The following ANKRD12 variants were observed in gnomAD, a reference collection of about 807,000 sequenced individuals.
The protein encoded by ANKRD12 is ankyrin repeat domain 12.
A neutral mutation model predicts 183.4 loss-of-function variants in ANKRD12; 85 were observed. The ratio of observed to expected loss-of-function variants is 0.46; its 90% CI spans 0.39 to 0.56. The LOEUF (loss-of-function observed/expected upper bound fraction) is 0.56, where lower values mean the gene tolerates loss of function less well. ANKRD12 is among the 20% of genes least tolerant of loss of function. The pLI, the probability that ANKRD12 is intolerant of heterozygous loss-of-function variation, is 0.00. For missense variants in ANKRD12, 2,405 were observed against 2,357.1 expected, an observed-to-expected ratio of 1.02 and a Z score of -0.42; for synonymous variants, 914 against 800.2, an observed-to-expected ratio of 1.14 and a Z score of -2.40.
intron 8 of ANKRD12, chr18:9,249,745 CAT>C (rs2145109395): frequency 6.6e-6 from 1 of 152,342 alleles, no homozygotes; most frequent in Admixed American, 6.5e-5. Context: ...CTTGGACTAA[CAT>C]AGGTATAAAT....
chr18:9,168,045 G>T (rs140674866), intron 1 of ANKRD12, among the ~76,000 whole-genome samples: 1,606 of 152,308 alleles, frequency 0.011, 32 homozygotes, highest in African/African-American at 0.037. Flanking sequence ...TGTTGAACCA[G>T]CCTTGCATCC....
chr18:9,221,300 A>G (rs2036407460), intron 7 of ANKRD12, among the ~76,000 whole-genome samples: 1 of 152,182 alleles, frequency 6.6e-6, no homozygotes, highest in Non-Finnish European at 1.5e-5. Flanking sequence ...CATTAGATAC[A>G]GCATCCTTCT....
chr18:9,209,347 G>T (rs2035654880), intron 5 of ANKRD12, among the ~76,000 whole-genome samples: 1 of 152,112 alleles, frequency 6.6e-6, no homozygotes, highest in South Asian at 2.1e-4. Flanking sequence ...GAAAATTTTT[G>T]AGTTACATAG....
chr18:9,196,337 C>G (rs577744169), intron 3 of ANKRD12, among the ~76,000 whole-genome samples: 1 of 152,162 alleles, frequency 6.6e-6, no homozygotes, highest in South Asian at 2.1e-4. Context: ...GGATGAGATT[C>G]TTTTTATTGC....
At position 9,216,876 on chromosome 18, in the gene ANKRD12, T is replaced by C. The variant is rs779423682; in HGVS notation, c.771T>C (p.Asp257=). 7 of 1,613,320 alleles carry C rather than the reference T, an allele frequency of 4.3e-6. No homozygotes were observed. Among genetic ancestry groups the C allele is most frequent in the Non-Finnish European group, 5.1e-6 (6 of 1,179,662 alleles). ...QGLDDDTPLH[D]SASSGHRDIV... ...TAGATGATGACACTCCACTCCATGA[T>C]TCTGCTAGTAGTGGGCACAGAGATG... The change falls in exon 7 of 13, where the codon GAT becomes GAC. Residue 257 remains aspartate, a synonymous_variant. Transcript: ENST00000262126.
intron 1 of ANKRD12, among the ~76,000 whole-genome samples, chr18:9,156,137 C>CAAAAAAAA (rs34154495): frequency 2.9e-5 from 3 of 104,072 alleles, no homozygotes; most frequent in East Asian, 2.7e-4. Flanking sequence ...GACTCTGTCT[C>CAAAAAAAA]AAAAAAAAAA....
chr18:9,266,361 A>G (rs1398047545), intron 10 of ANKRD12, among the ~76,000 whole-genome samples: 1 of 152,204 alleles, frequency 6.6e-6, no homozygotes, highest in Non-Finnish European at 1.5e-5. Context: ...AAGGGCAGCC[A>G]GAGAGAAAGG....
At chr18:9,235,046 C>G (rs1439821392) in intron 8 of ANKRD12, among the ~76,000 whole-genome samples, 2 of 152,124 alleles carry the variant, frequency 1.3e-5, no homozygotes, top group African/African-American at 4.8e-5. Flanking sequence ...TCCTAGATAC[C>G]CTATTCAAGG....
chr18:9,207,938 A>G (rs1033015063), intron 4 of ANKRD12, among the ~76,000 whole-genome samples: 4 of 152,160 alleles, frequency 2.6e-5, no homozygotes, highest in African/African-American at 4.8e-5. Context: ...TTAATGGGGA[A>G]CGCAGGCTGC....
At chr18:9,167,998 C>T (rs147243099) in intron 1 of ANKRD12, among the ~76,000 whole-genome samples, 2 of 152,124 alleles carry the variant, frequency 1.3e-5, no homozygotes, top group Admixed American at 6.6e-5. Flanking sequence ...GTCTTTGGTT[C>T]TGTTTATATG....
chr18:9,266,170 G>C (rs961474613), intron 10 of ANKRD12, among the ~76,000 whole-genome samples: 1 of 152,194 alleles, frequency 6.6e-6, no homozygotes, highest in African/African-American at 2.4e-5. Context: ...GGGGAGAATG[G>C]AACCAAGTTG....
At chr18:9,193,677 C>T (rs545693287) in intron 2 of ANKRD12, among the ~76,000 whole-genome samples, 2 of 152,240 alleles carry the variant, frequency 1.3e-5, no homozygotes, top group African/African-American at 2.4e-5. Flanking sequence ...CCTCATCCCT[C>T]CTTTATTTTT....
chr18:9,246,576 G>A (rs1318390971), intron 8 of ANKRD12, among the ~76,000 whole-genome samples: 5 of 152,124 alleles, frequency 3.3e-5, no homozygotes, highest in East Asian at 1.9e-4. Context: ...ATAAGTGCCC[G>A]GAGCAAGCTT....
chr18:9,168,812 A>G lies in ANKRD12; in HGVS notation c.-51-13570A>G, dbSNP rs2032365634. 4.6e-5 allele frequency among the ~76,000 whole-genome samples: 7 copies of G among 152,084 alleles called. No individual in the cohort carries two copies. The South Asian group carries it at 1.5e-3, about 32-fold the overall frequency. On this transcript the variant is annotated intron_variant, in intron 1 of 12. Coordinates refer to ENST00000262126, the MANE Select transcript of ANKRD12 (RefSeq NM_015208.5). Reference sequence around the variant, plus strand: ...CTCTAGTTCTTTTAATTGTGATGTTAGGGTGTCAATTTTAGATCTTTCCTG... The same window carrying G: ...CTCTAGTTCTTTTAATTGTGATGTTGGGGTGTCAATTTTAGATCTTTCCTG...
chr18:9,263,023 A>G (rs1195419478), intron 9 of ANKRD12, among the ~76,000 whole-genome samples: 1 of 151,612 alleles, frequency 6.6e-6, no homozygotes, highest in East Asian at 1.9e-4. Flanking sequence ...GTCTCGAACT[A>G]CTAACCTCGT....
At chr18:9,231,144 A>G (rs2144865280) in intron 8 of ANKRD12, among the ~76,000 whole-genome samples, 1 of 152,280 alleles carries the variant, frequency 6.6e-6, no homozygotes, top group East Asian at 1.9e-4. Context: ...TTCAAGTTTT[A>G]AAAATTTGTT....
chr18:9,261,686 G>T (rs2038974433), intron 9 of ANKRD12, among the ~76,000 whole-genome samples: 1 of 152,148 alleles, frequency 6.6e-6, no homozygotes, highest in African/African-American at 2.4e-5. Context: ...CACCAACCTA[G>T]AGTTGTCTGC....
intron 1 of ANKRD12, among the ~76,000 whole-genome samples, chr18:9,144,401 A>G (rs1247593361): frequency 6.6e-6 from 1 of 152,182 alleles, no homozygotes; most frequent in East Asian, 1.9e-4. Flanking sequence ...CCAAAGTACT[A>G]CTACCTTATT....
At chr18:9,159,157 TA>T (rs1422375443) in intron 1 of ANKRD12, among the ~76,000 whole-genome samples, 1 of 152,222 alleles carries the variant, frequency 6.6e-6, no homozygotes, top group African/African-American at 2.4e-5. Context: ...ATCTGCATTT[TA>T]GGTGTGCTTC....
Sources: gnomAD v4.1 joint callset for allele counts (sites outside exome capture counted in the v4.1 genomes callset) on GRCh38, gnomAD v4.1.1 for gene constraint, MANE v1.5 for transcripts, NCBI Gene and HGNC (gene_info 2026-07-23, HGNC 2026-07-21) for gene names.